KDM2B: variants seen among roughly 807,000 people sequenced by gnomAD.
KDM2B encodes lysine demethylase 2B.
A neutral mutation model predicts 150.0 loss-of-function variants in KDM2B; 26 were observed. That is an observed-to-expected ratio of 0.17 (90% CI 0.13 to 0.24). The LOEUF (loss-of-function observed/expected upper bound fraction) is 0.24, where lower values mean the gene tolerates loss of function less well. Among genes scored for constraint, KDM2B ranks in the 10% least tolerant of loss-of-function variants. KDM2B has a pLI of 1.00. For synonymous variants in KDM2B, 734 were observed against 729.5 expected (o/e 1.01, Z -0.10); for missense variants, 1,265 against 1,816.9 (o/e 0.70, Z 5.52).
intron 4 of KDM2B, among the ~76,000 whole-genome samples, chr12:121,573,973 G>C (rs1482593955): frequency 6.6e-6 from 1 of 152,066 alleles, no homozygotes; most frequent in Non-Finnish European, 1.5e-5. Context: ...TGCCCACCAA[G>C]TAGCTAAAAA....
the KDM2B span, among the ~76,000 whole-genome samples, chr12:121,410,048 G>C: frequency 6.6e-6 from 1 of 152,120 alleles, no homozygotes. Flanking sequence ...CCAGCTACTA[G>C]GAGGCTGAGG....
At chr12:121,555,562 G>A (rs781994485) in intron 4 of KDM2B, among the ~76,000 whole-genome samples, 32 of 152,084 alleles carry the variant, frequency 2.1e-4, no homozygotes, top group Admixed American at 1.9e-3. Context: ...TTGTAGGGAC[G>A]GGGTTTCGCC....
chr12:121,466,654 G>A (rs1201289921), intron 12 of KDM2B, among the ~76,000 whole-genome samples: 1 of 150,778 alleles, frequency 6.6e-6, no homozygotes, highest in Non-Finnish European at 1.5e-5. Flanking sequence ...AGCTCGGGCC[G>A]TCGGGCCCAC....
intron 4 of KDM2B, among the ~76,000 whole-genome samples, chr12:121,563,563 C>T (rs1890491619): frequency 6.6e-6 from 1 of 151,592 alleles, no homozygotes; most frequent in African/African-American, 2.4e-5. Flanking sequence ...CCCAAGATCG[C>T]ACCACTGCAC....
chr12:121,533,626 GGC>G lies in KDM2B; in HGVS notation c.778-669_778-668del, dbSNP rs1887842375. Among the ~76,000 whole-genome samples the G allele has an allele frequency of 1.3e-4, 20 of 152,292 alleles. No homozygotes were observed. The highest frequency in any genetic ancestry group is 7.2e-4 in the Admixed American group (11 of 15,290). ...AGACTTTAAAGTAAAAAGGTCCCAG[GGC>G]AGGAGCTGAGATGACAGCCAGAGAA... On this transcript the variant is annotated intron_variant, in intron 7 of 22. Coordinates refer to ENST00000377071, the MANE Select transcript of KDM2B (RefSeq NM_032590.5). This position sits in a 1 kb window ranked among gnomAD's most constrained non-coding sequence, Gnocchi z 4.1.
intron 2 of KDM2B, among the ~76,000 whole-genome samples, chr12:121,577,394 G>A (rs928456678): frequency 3.9e-5 from 6 of 152,178 alleles, no homozygotes; most frequent in Non-Finnish European, 7.3e-5. Context: ...GAAAGGAGAG[G>A]AATTAAAATT....
intron 12 of KDM2B, among the ~76,000 whole-genome samples, chr12:121,472,487 CA>C (rs202004616): frequency 0.025 from 3,836 of 152,244 alleles, 156 homozygotes; most frequent in African/African-American, 0.088. Flanking sequence ...AGTCGTTCCA[CA>C]AGCATTTAAA....
chr12:121,442,303 G>T lies in KDM2B; in HGVS notation c.3138C>A (p.Pro1046=), dbSNP rs1353539751. ...IQMERHVIRP[P]PISPPPDSLP... Reference sequence around the variant, plus strand: ...GCGAGTCAGGCGGGGGGCTGATGGGGGGTGGCCGGATCACATGGCGCTCCA... The same window carrying T: ...GCGAGTCAGGCGGGGGGCTGATGGGTGGTGGCCGGATCACATGGCGCTCCA... The change falls in exon 19 of 23, where the codon CCC becomes CCA. Residue 1046 remains proline (P), a synonymous_variant. Coordinates refer to ENST00000377071, the MANE Select transcript of KDM2B (RefSeq NM_032590.5). This position sits in a 1 kb window ranked among gnomAD's most constrained non-coding sequence, Gnocchi z 7.7. 12 of 1,610,452 alleles carry T rather than the reference G, an allele frequency of 7.5e-6. No homozygotes were observed. The highest frequency in any genetic ancestry group is 1.0e-5 in the Non-Finnish European group (12 of 1,178,260).
chr12:121,541,724 G>A (rs1202758408), intron 6 of KDM2B, among the ~76,000 whole-genome samples: 1 of 152,128 alleles, frequency 6.6e-6, no homozygotes, highest in Non-Finnish European at 1.5e-5. Context: ...CCAAACCTAT[G>A]CTTTATGTGG....
At position 121,558,941 on chromosome 12, in the gene KDM2B, A is replaced by G. The variant is rs181852324; in HGVS notation, c.398-9303T>C. 3.6e-4 allele frequency among the ~76,000 whole-genome samples: 55 copies of G among 152,144 alleles called. 1 individual carries two copies. Among genetic ancestry groups the G allele is most frequent in the Admixed American group, 2.9e-3 (45 of 15,264 alleles). The stretch of plus-strand genomic sequence containing the variant: ...TCCCACTGCCATCGCCGCCCTCCCC[A>G]GCACCTCCTAGGCACCCTCTTGGCC... On this transcript the variant is annotated intron_variant, in intron 4 of 22. Transcript: ENST00000377071.
intron 12 of KDM2B, among the ~76,000 whole-genome samples, chr12:121,479,320 A>G (rs1259067751): frequency 6.6e-6 from 1 of 150,460 alleles, no homozygotes; most frequent in Non-Finnish European, 1.5e-5. Context: ...ACAAAAAATT[A>G]GCCAGGCATG....
the KDM2B span, among the ~76,000 whole-genome samples, chr12:121,410,831 C>T: frequency 2.0e-5 from 3 of 152,150 alleles, no homozygotes; most frequent in African/African-American, 4.8e-5. Context: ...ACCTTCTATT[C>T]CTGTAGTATT....
intron 22 of KDM2B, among the ~76,000 whole-genome samples, chr12:121,439,570 C>T (rs559120716): frequency 5.9e-5 from 9 of 152,062 alleles, no homozygotes; most frequent in African/African-American, 1.4e-4. Flanking sequence ...TTTGTAGAGA[C>T]GGGGTTTCAC....
At chr12:121,506,633 T>A (rs916773967) in intron 11 of KDM2B, among the ~76,000 whole-genome samples, 3 of 151,316 alleles carry the variant, frequency 2.0e-5, no homozygotes, top group Non-Finnish European at 4.4e-5. Context: ...GAAACCCCCA[T>A]CTCTACTAAA....
intron 9 of KDM2B, chr12:121,516,520 C>T: frequency 7.1e-7 from 1 of 1,415,242 alleles, no homozygotes; most frequent in Non-Finnish European, 9.3e-7. Context: ...CAGCCACATG[C>T]CTGGGGACAT....
chr12:121,535,977 C>T, intron 6 of KDM2B: 1 of 891,470 alleles, frequency 1.1e-6, no homozygotes, highest in Non-Finnish European at 1.3e-6. Flanking sequence ...GCCCATGCAC[C>T]TTGGCACCTC....
chr12:121,496,016 G>C (rs782210425), intron 11 of KDM2B, among the ~76,000 whole-genome samples: 1 of 151,912 alleles, frequency 6.6e-6, no homozygotes, highest in African/African-American at 2.4e-5. Context: ...TTGTGTGGCT[G>C]GACTTTAGAA....
intron 12 of KDM2B, among the ~76,000 whole-genome samples, chr12:121,472,959 G>A (rs1880927554): frequency 6.6e-6 from 1 of 152,078 alleles, no homozygotes; most frequent in East Asian, 1.9e-4. Context: ...AAATCTCCCT[G>A]TTGGTTTGCT....
At chr12:121,516,538 A>T (rs782695155) in intron 9 of KDM2B, 1 of 1,434,640 alleles carries the variant, frequency 7.0e-7, no homozygotes, top group African/African-American at 1.4e-5. Flanking sequence ...CATTAAACAT[A>T]CGGTTGCTCA....
Sources: gnomAD v4.1 joint callset for allele counts (sites outside exome capture counted in the v4.1 genomes callset) on GRCh38, gnomAD v4.1.1 for gene constraint, Gnocchi (gnomAD v3.1) non-coding constraint, MANE v1.5 for transcripts, NCBI Gene and HGNC (gene_info 2026-07-23, HGNC 2026-07-21) for gene names.